Variants in IL19 observed in about 807,000 individuals in gnomAD.
IL19 encodes the protein interleukin 19.
IL19 carries 15 observed loss-of-function variants against 19.5 expected under a neutral mutation model. The ratio of observed to expected loss-of-function variants is 0.77; its 90% CI spans 0.52 to 1.19. The LOEUF (loss-of-function observed/expected upper bound fraction) is 1.19. Ranked by LOEUF, IL19 falls within the 50% of genes most tolerant of loss-of-function variation. The pLI is 0.00. For synonymous variants in IL19, 78 were observed against 78.3 expected, an observed-to-expected ratio of 1.00 and a Z score of 0.02; for missense variants, 199 against 213.1, an observed-to-expected ratio of 0.93 and a Z score of 0.41.
intron 1 of IL19, chr1:206,771,318 T>C (rs780746069): frequency 2.0e-5 from 31 of 1,575,426 alleles, no homozygotes; most frequent in Non-Finnish European, 2.7e-5. Flanking sequence ...CCCTTAATCA[T>C]GCTGCACACT....
chr1:206,780,655 T>C (rs1411165985), intron 1 of IL19, among the ~76,000 whole-genome samples: 1 of 152,230 alleles, frequency 6.6e-6, no homozygotes, highest in Non-Finnish European at 1.5e-5. Flanking sequence ...GTGTCTTCTT[T>C]TATAAATGGG....
chr1:206,788,089 C>CT (rs1353029177), intron 1 of IL19, among the ~76,000 whole-genome samples: 1 of 152,202 alleles, frequency 6.6e-6, no homozygotes, highest in East Asian at 1.9e-4. Context: ...CTGCAGACCT[C>CT]TTATTCATCT....
At chr1:206,831,968 C>T (rs755393587) in intron 2 of IL19, among the ~76,000 whole-genome samples, 14 of 152,242 alleles carry the variant, frequency 9.2e-5, no homozygotes, top group Admixed American at 4.6e-4. Context: ...TCAGCATGGA[C>T]AGTGTTGCAA....
chr1:206,782,109 A>T (rs944526583), intron 1 of IL19, among the ~76,000 whole-genome samples: 3 of 150,572 alleles, frequency 2.0e-5, no homozygotes, highest in African/African-American at 4.9e-5. Context: ...ATAAATTTTT[A>T]AAAATACCTC....
intron 2 of IL19, among the ~76,000 whole-genome samples, chr1:206,830,768 G>A (rs1212563907): frequency 3.3e-5 from 5 of 152,158 alleles, no homozygotes; most frequent in East Asian, 1.9e-4. Context: ...TAGTAGAGAC[G>A]GGGTTTCACC....
chr1:206,790,707 G>A (rs1391195402), intron 1 of IL19, among the ~76,000 whole-genome samples: 2 of 152,092 alleles, frequency 1.3e-5, no homozygotes, highest in Admixed American at 6.5e-5. Flanking sequence ...GAACTTGTCC[G>A]GGCCTCTGAC....
rs780932355 is a variant in IL19, at chr1:206,841,004, C to T, written c.364C>T (p.Gln122Ter). The T allele has an allele frequency of 2.5e-6, 4 of 1,613,402 alleles. No individual in the cohort carries two copies. Among genetic ancestry groups the T allele is most frequent in the Middle Eastern group, 1.6e-4 (1 of 6,080 alleles). Reference protein sequence around the residue: ...LYMQKTLRQCQEQRQCHCRQE... With the variant: ...LYMQKTLRQC Reference sequence around the variant, plus strand: ...AGGAGCTTCCTCCACTTTATCACAGCAGGAACAGAGGCAGTGTCACTGCAG... The same window carrying T: ...AGGAGCTTCCTCCACTTTATCACAGTAGGAACAGAGGCAGTGTCACTGCAG... The change falls in exon 6 of 7, where the codon CAG (glutamine) becomes TAG (stop). Residue 122 changes from glutamine to a stop codon, truncating the protein, a stop_gained and splice_region_variant. Coordinates refer to ENST00000659997, the MANE Select transcript of IL19 (RefSeq NM_153758.5). LOFTEE classifies it high-confidence loss of function.
At chr1:206,841,670 G>T (rs533685268) in intron 6 of IL19, among the ~76,000 whole-genome samples, 2 of 152,356 alleles carry the variant, frequency 1.3e-5, no homozygotes, top group African/African-American at 2.4e-5. Flanking sequence ...GCTTTGAAGA[G>T]CAAGAGTTAG....
At chr1:206,808,760 CAA>C (rs1161770967) in intron 2 of IL19, among the ~76,000 whole-genome samples, 1 of 152,176 alleles carries the variant, frequency 6.6e-6, no homozygotes, top group Non-Finnish European at 1.5e-5. Context: ...GCAGTTGACA[CAA>C]GTCTTAGCAG....
chr1:206,777,170 G>A (rs1388849580), intron 1 of IL19, among the ~76,000 whole-genome samples: 1 of 145,384 alleles, frequency 6.9e-6, no homozygotes, highest in African/African-American at 2.5e-5. Flanking sequence ...GGCGGAGCTT[G>A]CAGTGAGCCG....
intron 1 of IL19, among the ~76,000 whole-genome samples, chr1:206,791,679 G>A (rs1403683124): frequency 6.6e-6 from 1 of 152,184 alleles, no homozygotes; most frequent in Non-Finnish European, 1.5e-5. Flanking sequence ...AGCCCCAGTG[G>A]CCTCTCACTA....
intron 6 of IL19, 77 bp downstream of exon 6, chr1:206,841,155 T>G: frequency 9.1e-7 from 1 of 1,098,166 alleles, no homozygotes; most frequent in Non-Finnish European, 1.4e-6. Flanking sequence ...CAGCCTCCTC[T>G]CCACTTAAAT....
intron 2 of IL19, among the ~76,000 whole-genome samples, chr1:206,812,313 C>G (rs1676036244): frequency 6.6e-6 from 1 of 152,214 alleles, no homozygotes. Flanking sequence ...CCTTTGAACT[C>G]TGTTGGTTTG....
At chr1:206,785,887 A>G (rs1675259142) in intron 1 of IL19, among the ~76,000 whole-genome samples, 1 of 152,212 alleles carries the variant, frequency 6.6e-6, no homozygotes, top group African/African-American at 2.4e-5. Context: ...CAGTTTCCAA[A>G]AAAGTGACTT....
rs1231700829 is a variant in IL19 at position 206,841,054 on chromosome 1, A to C, written c.414A>C (p.Arg138Ser). 4 of 1,614,010 alleles carry C rather than the reference A, an allele frequency of 2.5e-6. No homozygotes were observed. Among genetic ancestry groups the C allele is most frequent in the Non-Finnish European group, 3.4e-6 (4 of 1,179,946 alleles). ...HCRQEATNAT[R>S]VIHDNYDQLE... ...GGCAGGAAGCCACCAATGCCACCAGAGTCATCCATGACAACTATGATCAGG... is the reference window on the plus strand; with the variant it reads ...GGCAGGAAGCCACCAATGCCACCAGCGTCATCCATGACAACTATGATCAGG... The change falls in exon 6 of 7, where the codon AGA becomes AGC. Residue 138 changes from arginine to serine, a missense_variant. By Grantham distance (110) the Arg-to-Ser change is moderately radical. Coordinates refer to ENST00000659997, the MANE Select transcript of IL19 (RefSeq NM_153758.5).
At chr1:206,781,249 G>T (rs1193877515) in intron 1 of IL19, among the ~76,000 whole-genome samples, 1 of 151,578 alleles carries the variant, frequency 6.6e-6, no homozygotes, top group African/African-American at 2.4e-5. Flanking sequence ...TTCAAGACCA[G>T]CCTGGCCAAC....
intron 2 of IL19, among the ~76,000 whole-genome samples, chr1:206,806,379 T>C (rs984525049): frequency 1.3e-5 from 2 of 152,188 alleles, no homozygotes; most frequent in Non-Finnish European, 2.9e-5. Context: ...CTGAAATATA[T>C]TCAGGTAGAA....
At chr1:206,790,463 A>C (rs1675370980) in intron 1 of IL19, among the ~76,000 whole-genome samples, 1 of 152,164 alleles carries the variant, frequency 6.6e-6, no homozygotes, top group South Asian at 2.1e-4. Flanking sequence ...GTAGAAAAAG[A>C]GGGAAAAAAT....
intron 2 of IL19, among the ~76,000 whole-genome samples, chr1:206,830,340 TAA>T (rs1676559167): frequency 6.6e-6 from 1 of 151,790 alleles, no homozygotes; most frequent in Admixed American, 6.6e-5. Flanking sequence ...AAATGAGGAA[TAA>T]AAGAGAGAGA....
Sources: gnomAD v4.1 joint callset for allele counts (sites outside exome capture counted in the v4.1 genomes callset) on GRCh38, gnomAD v4.1.1 for gene constraint, MANE v1.5 for transcripts, NCBI Gene and HGNC (gene_info 2026-07-23, HGNC 2026-07-21) for gene names.